Variants in PARG observed in about 807,000 individuals in gnomAD.
PARG encodes poly(ADP-ribose) glycohydrolase.
A neutral mutation model predicts 113.0 loss-of-function variants in PARG; 35 were observed. That is an observed-to-expected ratio of 0.31 (90% confidence interval 0.24 to 0.41). The LOEUF is 0.41. Among genes scored for constraint, PARG ranks in the 10% least tolerant of loss-of-function variants. The pLI, the probability that PARG is intolerant of heterozygous loss-of-function variation, is 1.00. For synonymous variants in PARG, 330 were observed against 409.9 expected (o/e 0.81, Z 2.36); for missense variants, 797 against 1,169.4 (o/e 0.68, Z 4.64).
chr10:49,844,999 T>C (rs556045816), intron 13 of PARG, among the ~76,000 whole-genome samples: 38 of 152,140 alleles, frequency 2.5e-4, no homozygotes, highest in East Asian at 5.8e-4. Context: ...ACATAAAATA[T>C]TGCTCAACAT....
intron 4 of PARG, among the ~76,000 whole-genome samples, chr10:49,925,294 A>G (rs576844238): frequency 6.6e-6 from 1 of 152,222 alleles, no homozygotes; most frequent in Admixed American, 6.5e-5. Context: ...GTTACCTACA[A>G]GCATCAACTG....
chr10:49,908,487 G>C (rs1222775718), intron 7 of PARG: 3 of 152,080 alleles, frequency 2.0e-5, no homozygotes, highest in Non-Finnish European at 2.9e-5. Context: ...GTCACCAAGG[G>C]AAGAGGTCCA....
chr10:49,935,117 A>G lies in PARG; in HGVS notation c.243T>C (p.Ser81=). Reference sequence around the variant, plus strand: ...TCTTGATTCCTTTAGTGTCCATCCAACTGGTAATAGTCTTTTGTTTGAAAA... The same window carrying G: ...TCTTGATTCCTTTAGTGTCCATCCAGCTGGTAATAGTCTTTTGTTTGAAAA... The part of the protein sequence containing the change: ...SLVFKQKTIT[S]WMDTKGIKTA... The change falls in exon 2 of 18, where the codon AGT becomes AGC. Residue 81 remains serine (S), a synonymous_variant. Transcript: ENST00000616448. The G allele has an allele frequency of 1.3e-6, 1 of 779,648 alleles. No individual in the cohort carries two copies. 48.3% of individuals were successfully genotyped at this position (779,648 alleles called of 1,614,324 possible). A position where few individuals can be genotyped will look rare whatever the true frequency, so the allele number is the denominator to read the frequency against.
chr10:49,940,503 C>T (rs1341651427), intron 1 of PARG, among the ~76,000 whole-genome samples: 1 of 146,884 alleles, frequency 6.8e-6, no homozygotes, highest in East Asian at 1.9e-4. Flanking sequence ...AATTGCACTC[C>T]TGTTTTTGTT....
chr10:49,936,260 G>T (rs2132992495), intron 1 of PARG, among the ~76,000 whole-genome samples: 1 of 152,278 alleles, frequency 6.6e-6, no homozygotes, highest in South Asian at 2.1e-4. Context: ...AATAATAGGG[G>T]AAGTTAAAAG....
At chr10:49,902,917 C>T (rs1848411035) in intron 7 of PARG, among the ~76,000 whole-genome samples, 1 of 151,944 alleles carries the variant, frequency 6.6e-6, no homozygotes, top group South Asian at 2.1e-4. Flanking sequence ...ACTGCAACCT[C>T]TGCCTCCCGG....
chr10:49,825,114 C>T (rs1280641467), intron 16 of PARG, among the ~76,000 whole-genome samples: 1 of 152,116 alleles, frequency 6.6e-6, no homozygotes, highest in African/African-American at 2.4e-5. Context: ...CTCAGCTTTG[C>T]TCACCAGTAC....
chr10:49,912,865 G>C (rs376250927), intron 7 of PARG, among the ~76,000 whole-genome samples: 539 of 151,894 alleles, frequency 3.5e-3, no homozygotes, highest in East Asian at 0.015. Flanking sequence ...CTAAACGGGA[G>C]GCTAAAGTGG....
At chr10:49,879,242 C>T (rs1469966381) in intron 9 of PARG, among the ~76,000 whole-genome samples, 1 of 152,044 alleles carries the variant, frequency 6.6e-6, no homozygotes, top group African/African-American at 2.4e-5. Context: ...TGACTTTAGA[C>T]TCTCATTTTA....
At chr10:49,903,580 C>T (rs1848439292) in intron 7 of PARG, among the ~76,000 whole-genome samples, 1 of 152,080 alleles carries the variant, frequency 6.6e-6, no homozygotes. Flanking sequence ...CTATATGATG[C>T]CTAATGTAAC....
intron 13 of PARG, among the ~76,000 whole-genome samples, chr10:49,852,015 C>T (rs1462931562): frequency 6.6e-6 from 1 of 151,640 alleles, no homozygotes; most frequent in Non-Finnish European, 1.5e-5. Flanking sequence ...AATTTATTTC[C>T]AATTTCTCAA....
In PARG at chr10:49,906,159, T is replaced by TTTTTTTTTC. The variant is rs4012651; in HGVS notation, c.1737+9757_1737+9758insGAAAAAAAA. Among the ~76,000 whole-genome samples, 371 of 142,124 alleles carry TTTTTTTTTC rather than the reference T, an allele frequency of 2.6e-3. 11 individuals are homozygous for TTTTTTTTTC. Among genetic ancestry groups the TTTTTTTTTC allele is most frequent in the Middle Eastern group, 3.8e-3 (1 of 264 alleles). 93.2% of individuals were successfully genotyped at this position (142,124 alleles called of 152,430 possible). The stretch of plus-strand genomic sequence containing the variant: ...GATGCTGCCGCTTTTTTTTTTTTTT[T>TTTTTTTTTC]CCCAGTAGAAACAGGGTTTCACCAT... On this transcript the variant is annotated intron_variant, in intron 7 of 17. Transcript: ENST00000616448.
chr10:49,898,710 A>AGG (rs1436427625), intron 7 of PARG, among the ~76,000 whole-genome samples: 2 of 152,044 alleles, frequency 1.3e-5, no homozygotes, highest in Non-Finnish European at 2.9e-5. Flanking sequence ...AAACTCAGAA[A>AGG]TTCATTTTTC....
intron 1 of PARG, 41 bp downstream of exon 1, chr10:49,941,468 G>C (rs1271751542): frequency 3.8e-5 from 54 of 1,422,578 alleles, no homozygotes; most frequent in Non-Finnish European, 5.0e-5. Flanking sequence ...CAGAAGGTTC[G>C]GGCCGAGGCG....
intron 7 of PARG, among the ~76,000 whole-genome samples, chr10:49,887,496 T>C: frequency 6.6e-6 from 1 of 152,028 alleles, no homozygotes; most frequent in African/African-American, 2.4e-5. Context: ...CACCCACTAA[T>C]TTGTTTTTCA....
chr10:49,932,303 A>G lies in PARG; in HGVS notation c.1272-20T>C. 2 of 1,385,886 alleles carry G rather than the reference A, an allele frequency of 1.4e-6. No individual in the cohort carries two copies. The highest frequency in any genetic ancestry group is 2.1e-6 in the Non-Finnish European group (2 of 971,468). 85.8% of individuals were successfully genotyped at this position (1,385,886 alleles called of 1,614,324 possible). A position where few individuals can be genotyped will look rare whatever the true frequency, so the allele number is the denominator to read the frequency against. Reference sequence around the variant, plus strand: ...TCTTTTCTAAGGTCAAGACAAATGTATTTAGTCACAAATTATTTACTGTTT... The same window carrying G: ...TCTTTTCTAAGGTCAAGACAAATGTGTTTAGTCACAAATTATTTACTGTTT... On this transcript the variant is annotated intron_variant, in intron 3 of 17. Transcript: ENST00000616448.
Position 49,922,625 on chromosome 10 carries a change from T to G in PARG, c.1500A>C (p.Thr500=), listed in dbSNP as rs1224996898. The change falls in exon 5 of 18, where the codon ACA becomes ACC. Residue 500 remains threonine, a synonymous_variant. Transcript: ENST00000616448. ...TGTTATCCCACAAATCTTTATAATGTGTTGGAAAAGGTTTAGGAACTTCTC... is the reference window on the plus strand; with the variant it reads ...TGTTATCCCACAAATCTTTATAATGGGTTGGAAAAGGTTTAGGAACTTCTC... ...RAGEVPKPFP[T]HYKDLWDNKH... 1 of 1,595,626 alleles carries G rather than the reference T, an allele frequency of 6.3e-7. No homozygotes were observed. Among genetic ancestry groups the G allele is most frequent in the African/African-American group, 1.3e-5 (1 of 74,494 alleles).
At chr10:49,891,617 A>AT (rs1847800120) in intron 7 of PARG, among the ~76,000 whole-genome samples, 1 of 48,322 alleles carries the variant, frequency 2.1e-5, no homozygotes, top group African/African-American at 9.6e-5. Context: ...ATATATATAT[A>AT]TATATATTTT....
rs754234627 is a variant in PARG, at chr10:49,820,196, G to A, written c.2745C>T (p.His915=). The change falls in exon 17 of 18, where the codon CAC becomes CAT. Residue 915 remains histidine (H), a synonymous_variant. Coordinates refer to ENST00000616448, the MANE Select transcript of PARG (RefSeq NM_003631.5). ...TGAGTTTCCTTTCAGTAAGGAAAAT[G>A]TGCATGCTGTAAATGTCTCTCATCA... The part of the protein sequence containing the change: ...SELMRDIYSM[H]IFLTERKLTV... The A allele has an allele frequency of 1.9e-6, 3 of 1,546,246 alleles. No individual in the cohort carries two copies. Among genetic ancestry groups the A allele is most frequent in the East Asian group, 2.4e-5 (1 of 40,890 alleles).
Sources: allele counts gnomAD v4.1 joint callset (sites outside exome capture counted in the v4.1 genomes callset), GRCh38; gene constraint gnomAD v4.1.1; transcripts MANE v1.5; gene names NCBI Gene and HGNC (gene_info 2026-07-23, HGNC 2026-07-21).